MTPAP: variants seen among roughly 807,000 people sequenced by gnomAD.
MTPAP encodes mitochondrial poly(A) polymerase, also known as poly(A) RNA polymerase, mitochondrial.
Under a neutral mutation model 48.7 loss-of-function variants are expected in MTPAP, and 23 were observed. The ratio of observed to expected loss-of-function variants is 0.47; its 90% CI spans 0.34 to 0.67. The LOEUF (loss-of-function observed/expected upper bound fraction) is 0.67, where lower values mean the gene tolerates loss of function less well. Among genes scored for constraint, MTPAP ranks in the 30% least tolerant of loss-of-function variants. MTPAP has a pLI of 0.01. For synonymous variants in MTPAP, 257 were observed against 254.1 expected (o/e 1.01, Z -0.11); for missense variants, 614 against 694.3 (o/e 0.88, Z 1.30).
chr10:30,341,408 T>TG, intron 2 of MTPAP, 60 bp downstream of exon 2: 1 of 1,561,654 alleles, frequency 6.4e-7, no homozygotes, highest in Admixed American at 1.9e-5. Context: ...AAACAACTAA[T>TG]GGAGACCTCC....
chr10:30,336,580 T>G (rs1362731522), intron 4 of MTPAP, among the ~76,000 whole-genome samples: 3 of 152,220 alleles, frequency 2.0e-5, no homozygotes, highest in Non-Finnish European at 4.4e-5. Flanking sequence ...AACAATTAAC[T>G]ATTTGATTGC....
intron 1 of MTPAP, among the ~76,000 whole-genome samples, chr10:30,343,990 C>G (rs1834841457): frequency 6.6e-6 from 1 of 152,204 alleles, no homozygotes; most frequent in Non-Finnish European, 1.5e-5. Flanking sequence ...CTCATTCACC[C>G]TAGTTTTGTT....
Position 30,326,682 on chromosome 10 carries a change from C to T in MTPAP, c.781-47G>A, listed in dbSNP as rs140715258. On this transcript the variant is annotated intron_variant, in intron 4 of 8. Coordinates refer to ENST00000263063, the MANE Select transcript of MTPAP (RefSeq NM_018109.4). The stretch of plus-strand genomic sequence containing the variant: ...AAATAGGAGCTTTTGGTAAAAAAAA[C>T]AATTTTTTAATAAGCTTTTGTAAAA... The T allele has an allele frequency of 8.6e-4, 1,238 of 1,437,788 alleles. 6 individuals are homozygous for T. The African/African-American group carries it at 0.015, about 18-fold the overall frequency. 89.1% of individuals were successfully genotyped at this position (1,437,788 alleles called of 1,614,324 possible). A position where few individuals can be genotyped will look rare whatever the true frequency, so the allele number is the denominator to read the frequency against.
chr10:30,320,573 A>G (rs1452896674), intron 6 of MTPAP, among the ~76,000 whole-genome samples: 3 of 152,178 alleles, frequency 2.0e-5, no homozygotes, highest in Non-Finnish European at 2.9e-5. Flanking sequence ...ACCATTTTTA[A>G]AAAAGATAAT....
In MTPAP at chr10:30,311,944, C is replaced by G. The variant is rs1198351749; in HGVS notation, c.*1665G>C. ...GGGCGATCACCTGAGGTCAGGAGTT[C>G]GAGATCAGCCTGGCCAACATGGTGA... On this transcript the variant is annotated 3_prime_UTR_variant, in exon 9 of 9. Transcript: ENST00000263063. The G allele has an allele frequency of 6.6e-6, 1 of 152,298 alleles. No homozygotes were observed. The highest frequency in any genetic ancestry group is 1.5e-5 in the Non-Finnish European group (1 of 68,140). The allele number at this position is 152,298 out of a possible 1,614,324, so 9.4% of individuals were successfully genotyped here. A position where few individuals can be genotyped will look rare whatever the true frequency, so the allele number is the denominator to read the frequency against.
chr10:30,318,037 T>C lies in MTPAP; in HGVS notation c.1220-1827A>G, dbSNP rs549064679. Among the ~76,000 whole-genome samples, 14 of 152,256 alleles carry C rather than the reference T, an allele frequency of 9.2e-5. No individual in the cohort carries two copies. In the East Asian group the frequency reaches 2.7e-3, roughly 29 times the overall value. On this transcript the variant is annotated intron_variant, in intron 6 of 8. Transcript: ENST00000263063. The stretch of plus-strand genomic sequence containing the variant: ...CACACCCGGCTAATTTTTATATTTT[T>C]AGTTAGAGACAGGGTTTCACTATAT...
chr10:30,335,400 T>A (rs139993060), intron 4 of MTPAP, among the ~76,000 whole-genome samples: 98 of 152,172 alleles, frequency 6.4e-4, no homozygotes, highest in African/African-American at 2.2e-3. Flanking sequence ...ACAGGAGAAT[T>A]GTTTGAACTT....
In MTPAP at chr10:30,326,596, C is replaced by T; in HGVS notation, c.820G>A (p.Val274Ile). 3 of 1,614,040 alleles carry T rather than the reference C, an allele frequency of 1.9e-6. No individual in the cohort carries two copies. The highest frequency in any genetic ancestry group is 1.7e-6 in the Non-Finnish European group (2 of 1,179,922). Residue 274 changes from valine to isoleucine, a missense_variant, in exon 5 of 9, where the codon GTT (valine) becomes ATT (isoleucine). Val to Ile is a conservative substitution (Grantham distance 29). Coordinates refer to ENST00000263063, the MANE Select transcript of MTPAP (RefSeq NM_018109.4). Reference sequence around the variant, plus strand: ...TGAGTTGCAATTCTTTCTGAAGGAACATTTTTCACTTGAAATTCCATCAGA... The same window carrying T: ...TGAGTTGCAATTCTTTCTGAAGGAATATTTTTCACTTGAAATTCCATCAGA... ...NFLMEFQVKN[V>I]PSERIATQKI...
chr10:30,314,937 T>C (rs1218662361), intron 8 of MTPAP, among the ~76,000 whole-genome samples: 2 of 149,324 alleles, frequency 1.3e-5, no homozygotes, highest in African/African-American at 2.5e-5. Context: ...GCTAAAGCTA[T>C]GAATCATATG....
At chr10:30,337,070 A>G in intron 3 of MTPAP, 43 bp from the exon 4 acceptor site, 1 of 1,512,666 alleles carries the variant, frequency 6.6e-7, no homozygotes, top group Non-Finnish European at 9.2e-7. Flanking sequence ...GAAAAAGTAC[A>G]GGTCGCATAA....
chr10:30,342,398 T>C (rs1219433725), intron 1 of MTPAP, among the ~76,000 whole-genome samples: 3 of 152,216 alleles, frequency 2.0e-5, no homozygotes, highest in African/African-American at 4.8e-5. Context: ...GAACCGAAAC[T>C]GTGGACAGTG....
At chr10:30,333,487 C>A (rs1035328816) in intron 4 of MTPAP, among the ~76,000 whole-genome samples, 4 of 152,256 alleles carry the variant, frequency 2.6e-5, no homozygotes, top group South Asian at 2.1e-4. Flanking sequence ...GCTTTTTAAA[C>A]CATTACAACA....
intron 1 of MTPAP, among the ~76,000 whole-genome samples, chr10:30,346,695 T>C (rs72819514): frequency 6.6e-6 from 1 of 152,236 alleles, no homozygotes; most frequent in Non-Finnish European, 1.5e-5. Flanking sequence ...CAGCTAAACC[T>C]GTTCAGGTAA....
At chr10:30,324,960 T>C in intron 5 of MTPAP, among the ~76,000 whole-genome samples, 1 of 149,236 alleles carries the variant, frequency 6.7e-6, no homozygotes, top group Middle Eastern at 3.2e-3. Flanking sequence ...CACTGCACTC[T>C]AGCCTACGCG....
intron 4 of MTPAP, among the ~76,000 whole-genome samples, chr10:30,333,544 C>T (rs1215336766): frequency 6.6e-6 from 1 of 152,184 alleles, no homozygotes; most frequent in Non-Finnish European, 1.5e-5. Flanking sequence ...TTATTTAAGA[C>T]AGCCTAATGT....
chr10:30,315,732 G>C (rs1840654098), intron 8 of MTPAP, among the ~76,000 whole-genome samples: 1 of 152,126 alleles, frequency 6.6e-6, no homozygotes, highest in Non-Finnish European at 1.5e-5. Context: ...GAAGTCCCAT[G>C]GCATAATAAC....
intron 6 of MTPAP, among the ~76,000 whole-genome samples, chr10:30,318,047 C>G (rs1840681345): frequency 6.6e-6 from 1 of 152,056 alleles, no homozygotes; most frequent in Admixed American, 6.6e-5. Flanking sequence ...TAGTTAGAGA[C>G]AGGGTTTCAC....
Position 30,315,970 on chromosome 10 carries a change from A to G in MTPAP, c.1379T>C (p.Ile460Thr). 7 of 1,594,126 alleles carry G rather than the reference A, an allele frequency of 4.4e-6. No individual in the cohort carries two copies. Among genetic ancestry groups the G allele is most frequent in the Non-Finnish European group, 6.0e-6 (7 of 1,164,940 alleles). ...NFAFDKNSIN[I>T]RQGREQNKPD... The stretch of plus-strand genomic sequence containing the variant: ...TAGTAAAACATTATTTACCTGTCGA[A>G]TATTTATGGAATTTTTATCGAAAGC... The change falls in exon 8 of 9, where the codon ATT becomes ACT. Residue 460 changes from isoleucine to threonine, a missense_variant. Physicochemically the swap from Ile to Thr is moderately conservative, Grantham distance 89 (BLOSUM62 -1). Transcript: ENST00000263063.
chr10:30,313,651 G>A lies in MTPAP; in HGVS notation c.1707C>T (p.Phe569=). ...TTGTTCTCTTCCCACTGGTTTTTGT[G>A]AAATTTTCTGTTCTGTTACCTTTTA... is the stretch of plus-strand genomic sequence containing the variant. ...ESLKGNRTEN[F]TKTSGKRTIS... Residue 569 remains phenylalanine, a synonymous_variant, in exon 9 of 9, where the codon TTC becomes TTT. Coordinates refer to ENST00000263063, the MANE Select transcript of MTPAP (RefSeq NM_018109.4). The A allele has an allele frequency of 6.2e-7, 1 of 1,614,134 alleles. No individual in the cohort carries two copies. The highest frequency in any genetic ancestry group is 8.5e-7 in the Non-Finnish European group (1 of 1,179,990).
Sources: allele counts gnomAD v4.1 joint callset (sites outside exome capture counted in the v4.1 genomes callset), GRCh38; gene constraint gnomAD v4.1.1; transcripts MANE v1.5; gene names NCBI Gene and HGNC (gene_info 2026-07-23, HGNC 2026-07-21).